DIP2B: variants seen among roughly 807,000 people sequenced by gnomAD.
DIP2B encodes DIP2 acetate--CoA ligase B (putative), also known as disco-interacting protein 2 homolog B.
A neutral mutation model predicts 198.0 loss-of-function variants in DIP2B; 76 were observed. The observed-to-expected ratio is 0.38, with a 90% confidence interval of 0.32 to 0.46. The LOEUF is 0.46. Ranked by LOEUF, DIP2B falls within the 20% of genes least tolerant of loss-of-function variation. The probability of loss-of-function intolerance (pLI) is 0.99; values close to 1 mark genes in which losing one functional copy is unlikely to be tolerated. For missense variants in DIP2B, 1,559 were observed against 1,978.4 expected (o/e 0.79, Z 4.02); for synonymous variants, 701 against 739.1 (o/e 0.95, Z 0.84).
At position 50,715,470 on chromosome 12, in the gene DIP2B, T is replaced by C. The variant is rs1939697165; in HGVS notation, c.2851+874T>C. On this transcript the variant is annotated intron_variant, in intron 23 of 37. Coordinates refer to ENST00000301180, the MANE Select transcript of DIP2B (RefSeq NM_173602.3). ...AAGCAACAAAGCAAGCCAAGCCACA[T>C]GAGCATATTTAAAGCTTCTGTTTGT... Among the ~76,000 whole-genome samples the C allele has an allele frequency of 2.0e-5, 3 of 152,100 alleles. No individual in the cohort carries two copies. The South Asian group carries it at 6.2e-4, about 32-fold the overall frequency.
intron 4 of DIP2B, among the ~76,000 whole-genome samples, chr12:50,665,348 A>G (rs779093759): frequency 1.3e-5 from 2 of 152,246 alleles, no homozygotes; most frequent in Non-Finnish European, 2.9e-5. Context: ...AAGCAAGTTC[A>G]TAGTCGCTAA....
chr12:50,683,111 T>G (rs1368891055), intron 9 of DIP2B, 27 bp from the exon 10 acceptor site: 4 of 1,562,872 alleles, frequency 2.6e-6, no homozygotes, highest in African/African-American at 1.4e-5. Flanking sequence ...ATTCCTCTGT[T>G]AAACTGAATA....
chr12:50,512,812 C>T (rs112818844), intron 1 of DIP2B, among the ~76,000 whole-genome samples: 41,220 of 152,116 alleles, frequency 0.27, 6,338 homozygotes, highest in Non-Finnish European at 0.35. Context: ...TCGAGACCAG[C>T]CTGGGCAACA....
At chr12:50,575,193 G>A (rs1036973157) in intron 1 of DIP2B, among the ~76,000 whole-genome samples, 1 of 151,864 alleles carries the variant, frequency 6.6e-6, no homozygotes, top group Non-Finnish European at 1.5e-5. Flanking sequence ...TCTGTTCTGA[G>A]CTCCATATTT....
chr12:50,529,922 A>G (rs67092086), intron 1 of DIP2B, among the ~76,000 whole-genome samples: 90,318 of 152,058 alleles, frequency 0.59, 27,812 homozygotes, highest in Non-Finnish European at 0.69. Flanking sequence ...TTCTTAGAAT[A>G]TCCATTAAAT....
Position 50,695,281 on chromosome 12 carries a change from G to A in DIP2B, c.1734G>A (p.Lys578=). The A allele has an allele frequency of 6.2e-7, 1 of 1,613,566 alleles. No individual in the cohort carries two copies. Among genetic ancestry groups the A allele is most frequent in the African/African-American group, 1.3e-5 (1 of 74,996 alleles). ...TTGTTTTTCAGAATGTAATGAATAA[G>A]ATGCACACAATCAGCGTACCCTACT... ...WHGMFANVMN[K]MHTISVPYSV... Residue 578 remains lysine (K), a synonymous_variant, in exon 15 of 38, where the codon AAG becomes AAA. Transcript: ENST00000301180.
At chr12:50,545,307 T>TCTTCCTCCCTTCCTCC (rs1367112931) in intron 1 of DIP2B, among the ~76,000 whole-genome samples, 1 of 151,722 alleles carries the variant, frequency 6.6e-6, no homozygotes, top group African/African-American at 2.4e-5. Context: ...TTGCTTGCTC[T>TCTTCCTCCCTTCCTCC]CTTCCTCCCT....
intron 25 of DIP2B, among the ~76,000 whole-genome samples, chr12:50,719,742 G>A (rs1282429560): frequency 6.6e-6 from 1 of 151,630 alleles, no homozygotes; most frequent in South Asian, 2.1e-4. Flanking sequence ...TCGGGAGGCC[G>A]AGGCAGGAGA....
chr12:50,718,829 C>A lies in DIP2B; in HGVS notation c.2961+11C>A. The A allele has an allele frequency of 6.2e-7, 1 of 1,612,864 alleles. No individual in the cohort carries two copies. Among genetic ancestry groups the A allele is most frequent in the African/African-American group, 1.3e-5 (1 of 75,016 alleles). ...GATTTGGTGAGGAAGGTAAGTGTTC[C>A]TGAAGTGTTACCTTCTTACAGTCAA... On this transcript the variant is annotated intron_variant, in intron 24 of 37. Coordinates refer to ENST00000301180, the MANE Select transcript of DIP2B (RefSeq NM_173602.3).
At chr12:50,620,117 C>G (rs982292210) in intron 1 of DIP2B, among the ~76,000 whole-genome samples, 1 of 152,194 alleles carries the variant, frequency 6.6e-6, no homozygotes, top group Admixed American at 6.5e-5. Context: ...AGATGTGGTT[C>G]TGTCTAGCTC....
intron 15 of DIP2B, 62 bp from the exon 16 acceptor site, chr12:50,695,786 G>A (rs1171578704): frequency 9.5e-6 from 15 of 1,576,240 alleles, no homozygotes; most frequent in Non-Finnish European, 1.3e-5. Context: ...TTTTTATTGT[G>A]GTGTATTACA....
chr12:50,683,595 C>T (rs1443829372), intron 10 of DIP2B, among the ~76,000 whole-genome samples: 2 of 151,494 alleles, frequency 1.3e-5, no homozygotes, highest in East Asian at 3.9e-4. Flanking sequence ...TCCTGGCTAA[C>T]ATGGTGAAAC....
rs1940115929 is a variant in DIP2B at position 50,735,217 on chromosome 12, G to T, written c.4101+87G>T. On this transcript the variant is annotated intron_variant, in intron 34 of 37. Transcript: ENST00000301180. ...AAACCAGAAGCCATATAATATATTA[G>T]TGTCCAGGGCAAGCCTTAATTGAAA... The T allele has an allele frequency of 1.4e-5, 21 of 1,458,494 alleles. No homozygotes were observed. In the Admixed American group the frequency reaches 3.4e-4, roughly 23 times the overall value. The allele number at this position is 1,458,494 out of a possible 1,614,324, so 90.3% of individuals were successfully genotyped here. A position where few individuals can be genotyped will look rare whatever the true frequency, so the allele number is the denominator to read the frequency against.
At chr12:50,517,416 T>TC (rs990618967) in intron 1 of DIP2B, among the ~76,000 whole-genome samples, 8 of 152,192 alleles carry the variant, frequency 5.3e-5, no homozygotes, top group African/African-American at 1.9e-4. Flanking sequence ...TGTTTCTACT[T>TC]CCTGTTCTCC....
chr12:50,531,502 C>G (rs10876047), intron 1 of DIP2B, among the ~76,000 whole-genome samples: 41,385 of 152,012 alleles, frequency 0.27, 5,947 homozygotes, highest in East Asian at 0.37. Context: ...TTAAGTGTCT[C>G]TTGTTGCATA....
chr12:50,686,669 C>T lies in DIP2B; in HGVS notation c.1538C>T (p.Pro513Leu), dbSNP rs560999005. 7.4e-5 allele frequency: 120 copies of T among 1,613,810 alleles called. 3 individuals carry two copies. In the South Asian group the frequency reaches 1.2e-3, roughly 17 times the overall value. ...QPHISPAGTE[P>L]AYIEYKTSKE... ...CACATCTCACCTGCTGGGACAGAAC[C>T]GGCATACATTGAGGTAAGTCCTAAG... The change falls in exon 12 of 38, where the codon CCG becomes CTG. Residue 513 changes from proline (P) to leucine (L), a missense_variant. By Grantham distance (98) the Pro-to-Leu change is moderately conservative (BLOSUM62 -3). Transcript: ENST00000301180.
At chr12:50,550,845 C>A (rs1336364467) in intron 1 of DIP2B, among the ~76,000 whole-genome samples, 1 of 152,198 alleles carries the variant, frequency 6.6e-6, no homozygotes, top group Non-Finnish European at 1.5e-5. Flanking sequence ...GAAAGATGGT[C>A]CGACACAGTG....
Position 50,734,214 on chromosome 12 carries a change from A to T in DIP2B, c.4043+18A>T. 6.2e-7 allele frequency: 1 copy of T among 1,613,630 alleles called. No homozygotes were observed. Among genetic ancestry groups the T allele is most frequent in the Non-Finnish European group, 8.5e-7 (1 of 1,179,710 alleles). ...CATGACAGGTACAACAGATTTATTA[A>T]TGCTCCTTTCCTACTAGTTCCTAAG... On this transcript the variant is annotated intron_variant, in intron 33 of 37. Transcript: ENST00000301180.
At chr12:50,711,631 G>A (rs545438397) in intron 22 of DIP2B, among the ~76,000 whole-genome samples, 1 of 152,102 alleles carries the variant, frequency 6.6e-6, no homozygotes, top group Non-Finnish European at 1.5e-5. Flanking sequence ...GCACGATCTC[G>A]GCTCACTGCA....
Sources: allele counts gnomAD v4.1 joint callset (sites outside exome capture counted in the v4.1 genomes callset), GRCh38; gene constraint gnomAD v4.1.1; transcripts MANE v1.5; gene names NCBI Gene and HGNC (gene_info 2026-07-23, HGNC 2026-07-21).